Variants in CTCFL observed in about 807,000 individuals in gnomAD.
CTCFL encodes the protein transcriptional repressor CTCFL.
In CTCFL, 36 loss-of-function variants were observed where a neutral mutation model predicts 67.4. That is an observed-to-expected ratio of 0.53 (90% CI 0.41 to 0.71). CTCFL has a LOEUF of 0.71. CTCFL is among the 30% of genes least tolerant of loss of function. The pLI, the probability that CTCFL is intolerant of heterozygous loss-of-function variation, is 0.00. For synonymous variants in CTCFL, 324 were observed against 302.3 expected (o/e 1.07, Z -0.75); for missense variants, 786 against 835.2 (o/e 0.94, Z 0.73).
chr20:57,496,585 A>G (rs2067726728), downstream of CTCFL, among the ~76,000 whole-genome samples: 1 of 152,184 alleles, frequency 6.6e-6, no homozygotes, highest in African/African-American at 2.4e-5. Context: ...TGTGTCCACT[A>G]AACACTAACT....
intron 10 of CTCFL, among the ~76,000 whole-genome samples, chr20:57,499,073 C>CGGGGGGGGGGGGGGGGGGG (rs11475885): frequency 1.5e-5 from 1 of 65,438 alleles, no homozygotes; most frequent in Non-Finnish European, 3.6e-5. Flanking sequence ...CTGAAGGTGA[C>CGGGGGGGGGGGGGGGGGGG]GGGGGGGGGG....
chr20:57,515,004 C>T, intron 6 of CTCFL: 1 of 469,886 alleles, frequency 2.1e-6, no homozygotes, highest in East Asian at 3.4e-5. Flanking sequence ...ATCCATGGGG[C>T]TGTACGAATA....
Position 57,513,544 on chromosome 20 carries a change from G to C in CTCFL, c.1331-792C>G, listed in dbSNP as rs552833476. On this transcript the variant is annotated intron_variant, in intron 7 of 10. Transcript: ENST00000243914. ...GTGTATCACCCACTGGCATGAGATG[G>C]ATATAAACCATGTTACTTTGCCATG... is the stretch of plus-strand genomic sequence containing the variant. 4.6e-6 allele frequency: 5 copies of C among 1,096,932 alleles called. No individual in the cohort carries two copies. The African/African-American group carries it at 8.3e-5, about 18-fold the overall frequency. 67.9% of individuals were successfully genotyped at this position (1,096,932 alleles called of 1,614,324 possible).
intron 9 of CTCFL, chr20:57,507,088 A>T (rs1243347432): frequency 1.0e-6 from 1 of 978,542 alleles, no homozygotes; most frequent in East Asian, 1.1e-4. Flanking sequence ...AGTGGTTTTT[A>T]AATGTCCTGA....
chr20:57,513,114 A>T, intron 7 of CTCFL: 1 of 286,944 alleles, frequency 3.5e-6, no homozygotes, highest in Non-Finnish European at 5.4e-6. Context: ...TATATAAGGT[A>T]TGTCACACTG....
chr20:57,523,769 T>G lies in CTCFL; in HGVS notation c.437A>C (p.Gln146Pro), dbSNP rs769813539. 9.3e-6 allele frequency: 15 copies of G among 1,613,400 alleles called. No homozygotes were observed. In the South Asian group the frequency reaches 1.5e-4, roughly 17 times the overall value. Residue 146 changes from glutamine to proline, a missense_variant, in exon 2 of 11, where the codon CAA becomes CCA. Physicochemically the swap from Gln to Pro is moderately conservative, Grantham distance 76. Around this residue, in one of 3 missense-constraint regions of CTCFL, gnomAD observed 333 missense variants for 304.6 expected, o/e 1.09. Coordinates refer to ENST00000243914, the MANE Select transcript of CTCFL (RefSeq NM_001386993.1). ...ISIQQELYSP[Q>P]EMEVLQFHAL... is the part of the protein sequence containing the mutation. ...GTGGAACTGCAACACCTCCATCTCT[T>G]GCGGGGAGTACAGCTCTTGCTGGAT...
chr20:57,510,786 C>T (rs1181086228), intron 8 of CTCFL, among the ~76,000 whole-genome samples: 5 of 152,152 alleles, frequency 3.3e-5, no homozygotes, highest in Admixed American at 3.3e-4. Context: ...TGGCGTGAAC[C>T]CAGGAGGTGG....
At chr20:57,500,081 A>C in intron 10 of CTCFL, 1 of 877,982 alleles carries the variant, frequency 1.1e-6, no homozygotes, top group Non-Finnish European at 1.3e-6. Context: ...TGCTTCCTTG[A>C]AGTATTTTTT....
intron 7 of CTCFL, chr20:57,513,484 A>G (rs531640622): frequency 4.0e-6 from 4 of 996,848 alleles, no homozygotes; most frequent in South Asian, 8.7e-5. Flanking sequence ...GGAAGAATTA[A>G]TGTGTTTATA....
At chr20:57,517,354 G>A (rs982266816) in intron 5 of CTCFL, among the ~76,000 whole-genome samples, 3 of 147,562 alleles carry the variant, frequency 2.0e-5, no homozygotes, top group Non-Finnish European at 4.5e-5. Context: ...TCGGCTCACT[G>A]GAACCTCTGC....
rs2069116467 is a variant in CTCFL at position 57,518,758 on chromosome 20, C to T, written c.1059G>A (p.Glu353=). The T allele has an allele frequency of 6.2e-7, 1 of 1,614,000 alleles. No homozygotes were observed. ...GCTTCAAGTCCAAGAATGGCTTTAC[C>T]TCCACACTGGCATACTTGCACATGG... is the stretch of plus-strand genomic sequence containing the variant. ...KCSMCKYASV[E]ASKLKRHVRS... The change falls in exon 5 of 11, where the codon GAG becomes GAA. Residue 353 remains glutamate, a splice_region_variant and synonymous_variant. Coordinates refer to ENST00000243914, the MANE Select transcript of CTCFL (RefSeq NM_001386993.1).
Position 57,497,756 on chromosome 20 carries a change from G to GA in CTCFL, c.*793dup, listed in dbSNP as rs11383018. 9,165 of 984,636 alleles carry GA rather than the reference G, an allele frequency of 9.3e-3. 601 individuals are homozygous for GA. In the African/African-American group the frequency reaches 0.15, roughly 16 times the overall value. 61.0% of individuals were successfully genotyped at this position (984,636 alleles called of 1,614,324 possible). A position where few individuals can be genotyped will look rare whatever the true frequency, so the allele number is the denominator to read the frequency against. Reference sequence around the variant, plus strand: ...AAATATAAAAAGAGTAGTTTTAGCAGAAAAAAGGGTTATGGAGTGAAATAC... The same window carrying GA: ...AAATATAAAAAGAGTAGTTTTAGCAGAAAAAAAGGGTTATGGAGTGAAATAC... On this transcript the variant is annotated 3_prime_UTR_variant, in exon 11 of 11. Transcript: ENST00000243914.
In CTCFL at chr20:57,497,211, T is replaced by G. The variant is rs2067734997; in HGVS notation, c.*1339A>C. On this transcript the variant is annotated 3_prime_UTR_variant, in exon 11 of 11. Coordinates refer to ENST00000243914, the MANE Select transcript of CTCFL (RefSeq NM_001386993.1). ...ATTTTATTGAATTATGTAAAACATC[T>G]TTAAATAACAGTAAAAAAATTAAGA... The G allele has an allele frequency of 1.1e-6, 1 of 944,264 alleles. No individual in the cohort carries two copies. The highest frequency in any genetic ancestry group is 6.2e-5 in the Admixed American group (1 of 16,228). 58.5% of individuals were successfully genotyped at this position (944,264 alleles called of 1,614,324 possible).
At chr20:57,520,447 C>G (rs2069268100) in intron 3 of CTCFL, among the ~76,000 whole-genome samples, 1 of 152,074 alleles carries the variant, frequency 6.6e-6, no homozygotes, top group Non-Finnish European at 1.5e-5. Flanking sequence ...GCAATGAAAA[C>G]AACTGGCAAA....
chr20:57,497,613 C>G lies in CTCFL; in HGVS notation c.*937G>C. The G allele has an allele frequency of 1.0e-6, 1 of 985,312 alleles. No individual in the cohort carries two copies. The highest frequency in any genetic ancestry group is 1.2e-6 in the Non-Finnish European group (1 of 829,924). The allele number at this position is 985,312 out of a possible 1,614,324, so 61.0% of individuals were successfully genotyped here. ...CTCGAGGGTGGAAAAATCTTGTCAA[C>G]TGGCAAAAGGGAAATACTCACTAAT... On this transcript the variant is annotated 3_prime_UTR_variant, in exon 11 of 11. Transcript: ENST00000243914.
chr20:57,508,848 C>T, intron 8 of CTCFL, 60 bp from the exon 9 acceptor site: 1 of 1,439,966 alleles, frequency 6.9e-7, no homozygotes, highest in Non-Finnish European at 9.7e-7. Context: ...CGATATTAGA[C>T]ACTGTTTATC....
chr20:57,500,036 T>C lies in CTCFL; in HGVS notation c.1841-1335A>G, dbSNP rs2067836386. On this transcript the variant is annotated intron_variant, in intron 10 of 10. Coordinates refer to ENST00000243914, the MANE Select transcript of CTCFL (RefSeq NM_001386993.1). ...CGCCACACTGAAGAACGTGACTGTC[T>C]CATGTTCTAACTTGTCTGAGGATAT... 3.0e-6 allele frequency: 3 copies of C among 987,150 alleles called. No homozygotes were observed. In the African/African-American group the frequency reaches 5.3e-5, roughly 17 times the overall value. The allele number at this position is 987,150 out of a possible 1,614,324, so 61.1% of individuals were successfully genotyped here.
intron 6 of CTCFL, 192 bp downstream of exon 6, chr20:57,515,522 C>T (rs1011430040): frequency 1.6e-6 from 1 of 633,430 alleles, no homozygotes; most frequent in Non-Finnish European, 2.7e-6. Context: ...GGGGTTGTGG[C>T]ACAGTATCTA....
chr20:57,512,787 G>A (rs1211106249), intron 7 of CTCFL, 35 bp from the exon 8 acceptor site: 5 of 1,601,706 alleles, frequency 3.1e-6, no homozygotes, highest in African/African-American at 1.3e-5. Flanking sequence ...TACTTCAAGA[G>A]TGTTGTTTTC....
Sources: gnomAD v4.1 joint callset for allele counts (sites outside exome capture counted in the v4.1 genomes callset) on GRCh38, gnomAD v4.1.1 for gene constraint, gnomAD v4.1.1 regional missense constraint, MANE v1.5 for transcripts, NCBI Gene and HGNC (gene_info 2026-07-23, HGNC 2026-07-21) for gene names.